Variants in ARHGAP32 observed in about 807,000 individuals in gnomAD.
ARHGAP32 encodes the protein rho GTPase-activating protein 32.
In ARHGAP32, 51 loss-of-function variants were observed where a neutral mutation model predicts 186.5. The observed-to-expected ratio is 0.27, with a 90% confidence interval of 0.22 to 0.35. ARHGAP32 has a LOEUF of 0.35. ARHGAP32 is among the 10% of genes least tolerant of loss of function. The pLI is 1.00. For missense variants in ARHGAP32, 2,186 were observed against 2,623.5 expected (o/e 0.83, Z 3.64); for synonymous variants, 950 against 964.3 (o/e 0.99, Z 0.27).
At chr11:129,111,771 T>C (rs1387745313) in intron 5 of ARHGAP32, among the ~76,000 whole-genome samples, 2 of 152,088 alleles carry the variant, frequency 1.3e-5, no homozygotes, top group East Asian at 3.9e-4. Context: ...TCCCCCTTTC[T>C]TTTTTTGAGA....
chr11:129,125,180 T>C (rs185950042), intron 2 of ARHGAP32, among the ~76,000 whole-genome samples: 170 of 152,210 alleles, frequency 1.1e-3, no homozygotes, highest in African/African-American at 4.0e-3. Context: ...TCAATACGAA[T>C]TAAAATTTCC....
chr11:128,981,348 G>T, intron 17 of ARHGAP32, 68 bp downstream of exon 17: 4 of 1,483,896 alleles, frequency 2.7e-6, no homozygotes, highest in South Asian at 1.4e-5. Flanking sequence ...AATAAGAAAT[G>T]CATGGTTTGC....
At position 128,969,569 on chromosome 11, in the gene ARHGAP32, G is replaced by A; in HGVS notation, c.5644C>T (p.Pro1882Ser). 6.2e-7 allele frequency: 1 copy of A among 1,614,132 alleles called. No homozygotes were observed. The highest frequency in any genetic ancestry group is 8.5e-7 in the Non-Finnish European group (1 of 1,180,020). Reference sequence around the variant, plus strand: ...TCAGGAAGACTGCAGCCCATGTCAGGAAGCTTCCTGCTCCTCAGGCTGCTC... The same window carrying A: ...TCAGGAAGACTGCAGCCCATGTCAGAAAGCTTCCTGCTCCTCAGGCTGCTC... ...KQSSLRSRKL[P>S]DMGCSLPEHR... is the part of the protein sequence containing the mutation. Residue 1882 changes from proline to serine, a missense_variant, in exon 23 of 23, where the codon CCT (proline) becomes TCT (serine). By Grantham distance (74) the Pro-to-Ser change is moderately conservative. This residue lies in a region of ARHGAP32 where 1,502 missense variants were observed against 1,570.0 expected (regional missense o/e 0.96). Coordinates refer to ENST00000682385, the MANE Select transcript of ARHGAP32 (RefSeq NM_001378024.1). The surrounding 1 kb of genome is among the most constrained non-coding windows in gnomAD (Gnocchi z 4.8).
At chr11:129,268,601 G>A (rs546204996) in intron 1 of ARHGAP32, among the ~76,000 whole-genome samples, 10 of 120,926 alleles carry the variant, frequency 8.3e-5, no homozygotes, top group Non-Finnish European at 1.4e-4. Context: ...GTTACACCCT[G>A]AAGTAACCTT....
At chr11:129,248,729 C>A (rs1274956572) in intron 1 of ARHGAP32, among the ~76,000 whole-genome samples, 1 of 152,072 alleles carries the variant, frequency 6.6e-6, no homozygotes, top group Non-Finnish European at 1.5e-5. Context: ...CTGACTGAAT[C>A]CTCCTCTCCT....
chr11:129,032,383 T>C (rs898882942), intron 11 of ARHGAP32, among the ~76,000 whole-genome samples: 2 of 152,190 alleles, frequency 1.3e-5, no homozygotes, highest in East Asian at 1.9e-4. Context: ...AGGGAACTAT[T>C]CCATTTCAAT....
chr11:129,040,216 T>C lies in ARHGAP32; in HGVS notation c.1045+712A>G, dbSNP rs538052513. 2.0e-5 allele frequency among the ~76,000 whole-genome samples: 3 copies of C among 152,206 alleles called. No individual in the cohort carries two copies. The East Asian group carries it at 5.8e-4, about 29-fold the overall frequency. ...CAAATTAATTCTGAGGCCCAGAAAT[T>C]TTTTCTTCTCCTTTTATTGGGAGGT... On this transcript the variant is annotated intron_variant, in intron 11 of 22. Transcript: ENST00000682385.
At chr11:129,103,093 T>C (rs1039987906) in intron 5 of ARHGAP32, among the ~76,000 whole-genome samples, 2 of 152,108 alleles carry the variant, frequency 1.3e-5, no homozygotes, top group Admixed American at 6.5e-5. Context: ...AATTCTGACA[T>C]ATGCTACAAC....
chr11:129,237,198 G>A (rs1050380411), intron 1 of ARHGAP32, among the ~76,000 whole-genome samples: 3 of 151,984 alleles, frequency 2.0e-5, no homozygotes, highest in Non-Finnish European at 4.4e-5. Flanking sequence ...CGGGGGTACT[G>A]GTCTGTAGTC....
At chr11:129,238,772 C>CAG (rs1490773947) in intron 1 of ARHGAP32, among the ~76,000 whole-genome samples, 1 of 140,260 alleles carries the variant, frequency 7.1e-6, no homozygotes, top group Non-Finnish European at 1.5e-5. Context: ...CACACACACA[C>CAG]ACACACACAC....
chr11:129,123,530 C>A lies in ARHGAP32; in HGVS notation c.360G>T (p.Arg120Ser). 2 of 1,610,216 alleles carry A rather than the reference C, an allele frequency of 1.2e-6. No individual in the cohort carries two copies. Among genetic ancestry groups the A allele is most frequent in the South Asian group, 2.2e-5 (2 of 90,830 alleles). The change falls in exon 5 of 23, where the codon AGG (arginine) becomes AGT (serine). Residue 120 changes from arginine (R) to serine (S), a missense_variant and splice_region_variant. Arg to Ser is a moderately radical substitution (Grantham distance 110). Around this residue, in one of 5 missense-constraint regions of ARHGAP32, gnomAD observed 308 missense variants for 596.5 expected, o/e 0.52. Transcript: ENST00000682385. The surrounding 1 kb of genome is among the most constrained non-coding windows in gnomAD (Gnocchi z 4.6). ...GAAAGTGACCTTTAGTGAAGGGTAACCTGAAACACATGAAATAAATAAGAA... is the reference window on the plus strand; with the variant it reads ...GAAAGTGACCTTTAGTGAAGGGTAAACTGAAACACATGAAATAAATAAGAA... ...PGLMGCDNIH[R>S]LPFTKGHFPK...
intron 10 of ARHGAP32, among the ~76,000 whole-genome samples, chr11:129,048,884 GA>G (rs960860997): frequency 1.3e-5 from 2 of 151,600 alleles, no homozygotes; most frequent in Non-Finnish European, 2.9e-5. Context: ...AAGACACATA[GA>G]AAAAAAAGAC....
At chr11:129,146,722 T>C (rs990768696) in intron 2 of ARHGAP32, among the ~76,000 whole-genome samples, 27 of 152,046 alleles carry the variant, frequency 1.8e-4, no homozygotes, top group Non-Finnish European at 7.4e-5. Flanking sequence ...TAAATGACTA[T>C]AATAAATATA....
chr11:129,168,823 G>A (rs1051675181), intron 1 of ARHGAP32, among the ~76,000 whole-genome samples: 4 of 151,442 alleles, frequency 2.6e-5, no homozygotes, highest in African/African-American at 4.9e-5. Flanking sequence ...TATAACCACC[G>A]CAGAACTGCA....
chr11:129,010,330 C>A (rs547304099), intron 11 of ARHGAP32, among the ~76,000 whole-genome samples: 1 of 152,236 alleles, frequency 6.6e-6, no homozygotes, highest in South Asian at 2.1e-4. Context: ...GCTTTTGTTG[C>A]AATTGTTTTT....
intron 12 of ARHGAP32, 21 bp downstream of exon 12, chr11:128,998,298 G>T: frequency 6.5e-7 from 1 of 1,547,476 alleles, no homozygotes; most frequent in Non-Finnish European, 8.7e-7. Context: ...CAGAGTATAA[G>T]CTTGCACATT....
At chr11:129,246,524 G>T (rs115157640) in intron 1 of ARHGAP32, among the ~76,000 whole-genome samples, 1,527 of 152,120 alleles carry the variant, frequency 0.01, 28 homozygotes, top group African/African-American at 0.035. Flanking sequence ...CCAATACCTC[G>T]AAATCCAATA....
chr11:129,173,259 GGAA>G (rs1427995885), intron 1 of ARHGAP32, among the ~76,000 whole-genome samples: 1 of 151,504 alleles, frequency 6.6e-6, no homozygotes, highest in Non-Finnish European at 1.5e-5. Flanking sequence ...GACTAAATTA[GGAA>G]GAAGCTGAAT....
At chr11:129,134,768 ATGAATGGAATTAG>A (rs1232343878) in intron 2 of ARHGAP32, among the ~76,000 whole-genome samples, 1 of 152,196 alleles carries the variant, frequency 6.6e-6, no homozygotes, top group Non-Finnish European at 1.5e-5. Context: ...CTCTGCCCTC[ATGAATGGAATTAG>A]TGCCCTTATA....
Sources: allele counts gnomAD v4.1 joint callset (sites outside exome capture counted in the v4.1 genomes callset), GRCh38; gene constraint gnomAD v4.1.1; regional missense constraint gnomAD v4.1.1; non-coding constraint Gnocchi (gnomAD v3.1); transcripts MANE v1.5; gene names NCBI Gene and HGNC (gene_info 2026-07-23, HGNC 2026-07-21).